NOX4: variants seen among roughly 807,000 people sequenced by gnomAD.
NOX4 encodes NADPH oxidase 4, also known as kidney oxidase-1.
A neutral mutation model predicts 87.6 loss-of-function variants in NOX4; 69 were observed. The observed-to-expected ratio is 0.79, with a 90% CI of 0.65 to 0.96. NOX4 has a LOEUF of 0.96. Among genes scored for constraint, NOX4 ranks in the 40% least tolerant of loss-of-function variants. The pLI is 0.00. For synonymous variants in NOX4, 275 were observed against 238.2 expected (o/e 1.15, Z -1.42); for missense variants, 680 against 681.5 (o/e 1.00, Z 0.02).
the NOX4 span, among the ~76,000 whole-genome samples, chr11:89,578,410 T>C: frequency 6.6e-6 from 1 of 152,160 alleles, no homozygotes; most frequent in Non-Finnish European, 1.5e-5. Flanking sequence ...TCCTCCTGCC[T>C]CAGCCTCTCT....
At chr11:89,451,102 T>C (rs1454330374) in intron 3 of NOX4, among the ~76,000 whole-genome samples, 1 of 148,544 alleles carries the variant, frequency 6.7e-6, no homozygotes, top group African/African-American at 2.5e-5. Flanking sequence ...TTAGGAGATA[T>C]ACCTAATGTT....
rs564473154 is a variant in NOX4 at position 89,392,013 on chromosome 11, G to A, written c.1074+8004C>T. Among the ~76,000 whole-genome samples, 11 of 138,210 alleles carry A rather than the reference G, an allele frequency of 8.0e-5. No homozygotes were observed. In the South Asian group the frequency reaches 1.4e-3, roughly 17 times the overall value. The allele number at this position is 138,210 out of a possible 152,430, so 90.7% of individuals were successfully genotyped here. On this transcript the variant is annotated intron_variant, in intron 11 of 17. Coordinates refer to ENST00000263317, the MANE Select transcript of NOX4 (RefSeq NM_016931.5). Reference sequence around the variant, plus strand: ...TCCTTCCTCCTGTGCCCCCTCTCCCGACCTGGGATAATTTCCAGAGAACAA... The same window carrying A: ...TCCTTCCTCCTGTGCCCCCTCTCCCAACCTGGGATAATTTCCAGAGAACAA...
chr11:89,413,376 C>T (rs1056095110), intron 8 of NOX4, among the ~76,000 whole-genome samples: 1 of 152,148 alleles, frequency 6.6e-6, no homozygotes, highest in Non-Finnish European at 1.5e-5. Flanking sequence ...GATACCTGCA[C>T]TTGCATGTTT....
At chr11:89,485,369 G>A (rs573738775) in intron 2 of NOX4, among the ~76,000 whole-genome samples, 7 of 151,982 alleles carry the variant, frequency 4.6e-5, no homozygotes, top group African/African-American at 1.7e-4. Flanking sequence ...ATAGTTTGGA[G>A]GGAAAAATAT....
In NOX4 at chr11:89,428,974, C is replaced by T. The variant is rs192377231; in HGVS notation, c.548+3810G>A. Among the ~76,000 whole-genome samples, 485 of 152,248 alleles carry T rather than the reference C, an allele frequency of 3.2e-3. 1 individual carries two copies. The highest frequency in any genetic ancestry group is 0.011 in the African/African-American group (457 of 41,556). ...ACCACATAGTTGGAAGCAAAGCACT[C>T]CTCAGCAAATGTAAAAGAACAGAAA... is the stretch of plus-strand genomic sequence containing the variant. On this transcript the variant is annotated intron_variant, in intron 7 of 17. Transcript: ENST00000263317.
At chr11:89,446,829 T>A (rs534749164) in intron 4 of NOX4, among the ~76,000 whole-genome samples, 1 of 152,286 alleles carries the variant, frequency 6.6e-6, no homozygotes, top group Admixed American at 6.5e-5. Flanking sequence ...ACCCATAGAA[T>A]GTATAGCATC....
At chr11:89,399,432 A>AAAAAATAT (rs1290741300) in intron 11 of NOX4, among the ~76,000 whole-genome samples, 1 of 75,644 alleles carries the variant, frequency 1.3e-5, no homozygotes, top group African/African-American at 5.1e-5. Context: ...CAAGAAATTA[A>AAAAAATAT]ATATATATAT....
intron 6 of NOX4, 52 bp downstream of exon 6, chr11:89,440,636 A>G (rs2135352870): frequency 7.6e-7 from 1 of 1,320,976 alleles, no homozygotes; most frequent in Non-Finnish European, 1.1e-6. Flanking sequence ...GATAATGCCT[A>G]CTTTTAAAGA....
chr11:89,439,049 A>C (rs1591257414), intron 6 of NOX4, among the ~76,000 whole-genome samples: 1 of 131,798 alleles, frequency 7.6e-6, no homozygotes, highest in Non-Finnish European at 1.6e-5. Context: ...AACAATACTA[A>C]TAATAATACT....
chr11:89,538,877 T>A, the NOX4 span, among the ~76,000 whole-genome samples: 1 of 152,060 alleles, frequency 6.6e-6, no homozygotes, highest in Non-Finnish European at 1.5e-5. Context: ...TAACTCCCAA[T>A]GTGATGGTGT....
the NOX4 span, among the ~76,000 whole-genome samples, chr11:89,535,589 G>GTC: frequency 6.6e-6 from 1 of 151,862 alleles, no homozygotes; most frequent in African/African-American, 2.4e-5. Flanking sequence ...TCCCTCTTCT[G>GTC]TCTCTCTCTC....
intron 6 of NOX4, among the ~76,000 whole-genome samples, chr11:89,438,924 A>G (rs1348917160): frequency 5.2e-5 from 3 of 57,976 alleles, no homozygotes; most frequent in Non-Finnish European, 6.4e-5. Context: ...TATAAAATAT[A>G]TATAATAATA....
the NOX4 span, among the ~76,000 whole-genome samples, chr11:89,564,905 G>A: frequency 3.2e-4 from 48 of 152,172 alleles, no homozygotes; most frequent in African/African-American, 1.1e-3. Context: ...TCTGGAACTT[G>A]GAAGATCCAG....
intron 11 of NOX4, among the ~76,000 whole-genome samples, chr11:89,392,764 T>G (rs1941216323): frequency 6.6e-6 from 1 of 152,154 alleles, no homozygotes; most frequent in African/African-American, 2.4e-5. Context: ...CTTTCAAAGG[T>G]CTACATGACA....
intron 13 of NOX4, among the ~76,000 whole-genome samples, chr11:89,354,369 C>T (rs534948110): frequency 9.9e-5 from 15 of 152,190 alleles, no homozygotes; most frequent in African/African-American, 3.1e-4. Flanking sequence ...CCTTAACCTT[C>T]GGGAAGATGA....
At chr11:89,420,313 C>G (rs1943015589) in intron 8 of NOX4, among the ~76,000 whole-genome samples, 1 of 152,108 alleles carries the variant, frequency 6.6e-6, no homozygotes, top group Non-Finnish European at 1.5e-5. Flanking sequence ...CATTATGTAA[C>G]TATTTTAGAT....
intron 4 of NOX4, among the ~76,000 whole-genome samples, chr11:89,446,264 G>T (rs1565304094): frequency 6.6e-6 from 1 of 151,992 alleles, no homozygotes; most frequent in Non-Finnish European, 1.5e-5. Flanking sequence ...TGCAGGTGGG[G>T]GATGCAAAAA....
chr11:89,368,468 G>A (rs1295780401), intron 12 of NOX4, among the ~76,000 whole-genome samples: 2 of 152,076 alleles, frequency 1.3e-5, no homozygotes, highest in African/African-American at 2.4e-5. Context: ...GGTAAAGTCT[G>A]CTCTCCGCTT....
intron 7 of NOX4, among the ~76,000 whole-genome samples, chr11:89,426,284 C>G (rs1403233170): frequency 6.6e-6 from 1 of 152,152 alleles, no homozygotes; most frequent in East Asian, 1.9e-4. Context: ...CAGTCTACAG[C>G]TCTCAGTGTG....
Sources: gnomAD v4.1 joint callset for allele counts (sites outside exome capture counted in the v4.1 genomes callset) on GRCh38, gnomAD v4.1.1 for gene constraint, MANE v1.5 for transcripts, NCBI Gene and HGNC (gene_info 2026-07-23, HGNC 2026-07-21) for gene names.